PPID: variants seen among roughly 807,000 people sequenced by gnomAD.
The protein encoded by PPID is peptidyl-prolyl cis-trans isomerase D.
Under a neutral mutation model 48.1 loss-of-function variants are expected in PPID, and 47 were observed. That is an observed-to-expected ratio of 0.98 (90% confidence interval 0.77 to 1.25). The LOEUF is 1.25. PPID is among the 50% of genes most tolerant of loss of function. The probability of loss-of-function intolerance (pLI) is 0.00; values close to 1 mark genes in which losing one functional copy is unlikely to be tolerated. For synonymous variants in PPID, 163 were observed against 148.8 expected (o/e 1.10, Z -0.69); for missense variants, 429 against 443.5 (o/e 0.97, Z 0.29).
In PPID at chr4:158,717,143, G is replaced by C; in HGVS notation, c.391C>G (p.Gln131Glu). 1 of 1,614,086 alleles carries C rather than the reference G, an allele frequency of 6.2e-7. No homozygotes were observed. The highest frequency in any genetic ancestry group is 8.5e-7 in the Non-Finnish European group (1 of 1,179,978). The change falls in exon 4 of 10, where the codon CAG (glutamine) becomes GAG (glutamate). Residue 131 changes from glutamine (Q) to glutamate (E), a missense_variant. Coordinates refer to ENST00000307720, the MANE Select transcript of PPID (RefSeq NM_005038.3). ...ANAGRNTNGS[Q>E]FFITTVPTPH... ...GTTGGAACTGTTGTGATAAAAAACTGAGAACCGTTTGTGTTGCGGCCTGCA... is the reference window on the plus strand; with the variant it reads ...GTTGGAACTGTTGTGATAAAAAACTCAGAACCGTTTGTGTTGCGGCCTGCA...
rs556745830 is a variant in PPID, at chr4:158,722,596, A to G, written c.85+608T>C. Among the ~76,000 whole-genome samples the G allele has an allele frequency of 9.8e-5, 15 of 152,314 alleles. No homozygotes were observed. The East Asian group carries it at 2.9e-3, about 29-fold the overall frequency. On this transcript the variant is annotated intron_variant, in intron 1 of 9. Coordinates refer to ENST00000307720, the MANE Select transcript of PPID (RefSeq NM_005038.3). Reference sequence around the variant, plus strand: ...CAGTTACAAAGCAACACGCTCCCTAATTCACCAGGCCTTAGGAACTTCTGA... The same window carrying G: ...CAGTTACAAAGCAACACGCTCCCTAGTTCACCAGGCCTTAGGAACTTCTGA...
chr4:158,717,272 TG>T, intron 3 of PPID, 72 bp from the exon 4 acceptor site: 1 of 1,402,830 alleles, frequency 7.1e-7, no homozygotes, highest in South Asian at 1.4e-5. Context: ...TAGTCTGAAC[TG>T]TTCTTTTACT....
Position 158,723,191 on chromosome 4 carries a change from A to G in PPID, c.85+13T>C, listed in dbSNP as rs1393671805. Reference sequence around the variant, plus strand: ...TCCTCGGGGCTTTTCCGCGAGCGTCAGACTCCGCTCACCTCGCTCCCCTCC... The same window carrying G: ...TCCTCGGGGCTTTTCCGCGAGCGTCGGACTCCGCTCACCTCGCTCCCCTCC... On this transcript the variant is annotated intron_variant, in intron 1 of 9. Coordinates refer to ENST00000307720, the MANE Select transcript of PPID (RefSeq NM_005038.3). 1 of 1,610,448 alleles carries G rather than the reference A, an allele frequency of 6.2e-7. No individual in the cohort carries two copies. Among genetic ancestry groups the G allele is most frequent in the Non-Finnish European group, 8.5e-7 (1 of 1,177,574 alleles).
intron 6 of PPID, among the ~76,000 whole-genome samples, chr4:158,713,475 C>T (rs1198609561): frequency 6.6e-6 from 1 of 152,126 alleles, no homozygotes; most frequent in Non-Finnish European, 1.5e-5. Context: ...AAGAGCAATT[C>T]CCAAATCTAA....
rs745399816 is a variant in PPID at position 158,713,071 on chromosome 4, A to C, written c.894+48T>G. The C allele has an allele frequency of 5.3e-5, 84 of 1,590,356 alleles. 1 individual carries two copies. The Middle Eastern group carries it at 4.8e-3, about 91-fold the overall frequency. On this transcript the variant is annotated intron_variant, in intron 7 of 9. Transcript: ENST00000307720. ...TATAAAAGTTGCTACTATTCAAACT[A>C]AGTCTTAATCCAACTTATTCAAAAA...
At chr4:158,722,938 A>C (rs2126343381) in intron 1 of PPID, among the ~76,000 whole-genome samples, 1 of 152,334 alleles carries the variant, frequency 6.6e-6, no homozygotes, top group South Asian at 2.1e-4. Context: ...GTGCCACCAA[A>C]TCAGGAGGCA....
chr4:158,714,880 A>G (rs529347334), intron 6 of PPID, among the ~76,000 whole-genome samples: 1 of 152,276 alleles, frequency 6.6e-6, no homozygotes, highest in East Asian at 1.9e-4. Context: ...ATGAGCCACT[A>G]TGCCCAGCCT....
At chr4:158,712,816 C>T (rs1774811372) in intron 7 of PPID, among the ~76,000 whole-genome samples, 1 of 151,992 alleles carries the variant, frequency 6.6e-6, no homozygotes, top group Admixed American at 6.5e-5. Context: ...ACATCTTAAT[C>T]ATTTCTGACT....
At chr4:158,714,809 C>T (rs748567680) in intron 6 of PPID, among the ~76,000 whole-genome samples, 2 of 152,078 alleles carry the variant, frequency 1.3e-5, no homozygotes, top group African/African-American at 4.8e-5. Flanking sequence ...AGGCTGGTCT[C>T]GAACTCCCGA....
intron 6 of PPID, among the ~76,000 whole-genome samples, 172 bp downstream of exon 6, chr4:158,715,125 G>C (rs1774848850): frequency 7.2e-6 from 1 of 139,446 alleles, no homozygotes; most frequent in African/African-American, 2.7e-5. Flanking sequence ...TTCAACTTCT[G>C]TCTTTTGAAA....
chr4:158,717,517 T>TA (rs1774892658), intron 3 of PPID, among the ~76,000 whole-genome samples: 3 of 152,206 alleles, frequency 2.0e-5, no homozygotes, highest in Admixed American at 2.0e-4. Context: ...AGAAAATACT[T>TA]ACACTTCACC....
Position 158,710,646 on chromosome 4 carries a change from T to C in PPID, c.1006A>G (p.Ile336Val), listed in dbSNP as rs762097732. ...ALADLKKAQG[I>V]APEDKAIQAE... is the part of the protein sequence containing the mutation. ...AACTTACCTTTATCTTCTGGTGCTA[T>C]CCCCTGAGCTTTCTTAAGATCAGCC... The change falls in exon 9 of 10, where the codon ATA (isoleucine) becomes GTA (valine). Residue 336 changes from isoleucine (I) to valine (V), a missense_variant. Physicochemically the swap from Ile to Val is conservative, Grantham distance 29. Transcript: ENST00000307720. 6.2e-7 allele frequency: 1 copy of C among 1,613,890 alleles called. No individual in the cohort carries two copies. The highest frequency in any genetic ancestry group is 1.1e-5 in the South Asian group (1 of 91,052).
At chr4:158,713,941 G>C (rs1362452749) in intron 6 of PPID, among the ~76,000 whole-genome samples, 1 of 152,086 alleles carries the variant, frequency 6.6e-6, no homozygotes, top group African/African-American at 2.4e-5. Context: ...CTGCTACTTG[G>C]GAAGGTGAGG....
intron 7 of PPID, among the ~76,000 whole-genome samples, chr4:158,712,087 A>G (rs1201855052): frequency 2.0e-5 from 3 of 152,196 alleles, no homozygotes; most frequent in Admixed American, 6.5e-5. Flanking sequence ...TTTTAGTTCT[A>G]CTTGCTCTGA....
intron 2 of PPID, among the ~76,000 whole-genome samples, chr4:158,720,916 G>A (rs181685093): frequency 1.2e-4 from 18 of 151,926 alleles, no homozygotes; most frequent in Non-Finnish European, 2.2e-4. Context: ...GGGTTTCACC[G>A]CGTTAGCCAA....
chr4:158,719,316 C>T, intron 2 of PPID, 30 bp from the exon 3 acceptor site: 2 of 1,408,476 alleles, frequency 1.4e-6, no homozygotes. Flanking sequence ...CTATTAGTGA[C>T]TGAGACATGG....
At chr4:158,714,897 G>C (rs1774844949) in intron 6 of PPID, among the ~76,000 whole-genome samples, 1 of 152,062 alleles carries the variant, frequency 6.6e-6, no homozygotes, top group South Asian at 2.1e-4. Context: ...GCCTAAATAT[G>C]GATTGATATT....
intron 9 of PPID, chr4:158,710,331 A>G: frequency 2.1e-6 from 1 of 482,412 alleles, no homozygotes; most frequent in Admixed American, 3.8e-5. Context: ...CACAGTCTCA[A>G]AGGATACCAT....
In PPID at chr4:158,717,095, C is replaced by T. The variant is rs1005637193; in HGVS notation, c.439G>A (p.Val147Met). ...CCTTTAATTACTTGGCCAAACACCA[C>T]ATGTTTCCCATCCAAATGAGGAGTT... ...VPTPHLDGKHVVFGQVIKGIG... is the reference protein window; with the variant it reads ...VPTPHLDGKHMVFGQVIKGIG... The change falls in exon 4 of 10, where the codon GTG (valine) becomes ATG (methionine). Residue 147 changes from valine (V) to methionine (M), a missense_variant. Val to Met is a conservative substitution (Grantham distance 21). Transcript: ENST00000307720. The T allele has an allele frequency of 6.2e-7, 1 of 1,614,102 alleles. No individual in the cohort carries two copies. The highest frequency in any genetic ancestry group is 1.1e-5 in the South Asian group (1 of 91,082).
Sources: allele counts gnomAD v4.1 joint callset (sites outside exome capture counted in the v4.1 genomes callset), GRCh38; gene constraint gnomAD v4.1.1; transcripts MANE v1.5; gene names NCBI Gene and HGNC (gene_info 2026-07-23, HGNC 2026-07-21).